The following CTNNA2 variants were observed in gnomAD, a reference collection of about 807,000 sequenced individuals.
The protein encoded by CTNNA2 is catenin alpha 2.
In CTNNA2, 42 loss-of-function variants were observed where a neutral mutation model predicts 101.0. That is an observed-to-expected ratio of 0.42 (90% CI 0.32 to 0.54). The LOEUF is 0.54. Ranked by LOEUF, CTNNA2 falls within the 20% of genes least tolerant of loss-of-function variation. CTNNA2 has a pLI of 0.14. For missense variants in CTNNA2, 871 were observed against 1,223.1 expected (o/e 0.71, Z 4.29); for synonymous variants, 450 against 456.4 (o/e 0.99, Z 0.18).
At chr2:79,766,452 AT>A (rs1180314724) in intron 3 of CTNNA2, among the ~76,000 whole-genome samples, 1 of 152,052 alleles carries the variant, frequency 6.6e-6, no homozygotes, top group Non-Finnish European at 1.5e-5. Flanking sequence ...TGCTTTTAGT[AT>A]CCTTTCTTTA....
intron 2 of CTNNA2, among the ~76,000 whole-genome samples, chr2:79,684,212 T>C (rs1487262598): frequency 1.3e-5 from 2 of 152,212 alleles, no homozygotes; most frequent in East Asian, 3.8e-4. Context: ...TACACTTCAA[T>C]ATATGTAACC....
intron 2 of CTNNA2, among the ~76,000 whole-genome samples, chr2:79,662,024 G>A (rs1419591225): frequency 2.0e-5 from 3 of 151,552 alleles, no homozygotes; most frequent in African/African-American, 7.3e-5. Flanking sequence ...AAATAAATAG[G>A]TGAGAAGGGA....
intron 2 of CTNNA2, among the ~76,000 whole-genome samples, chr2:79,201,412 C>A (rs1674033727): frequency 6.6e-6 from 1 of 150,664 alleles, no homozygotes; most frequent in Non-Finnish European, 1.5e-5. Flanking sequence ...CTGCTCTCTA[C>A]CATCCTAGAA....
At chr2:80,310,421 A>T (rs969474707) in intron 7 of CTNNA2, among the ~76,000 whole-genome samples, 4 of 152,170 alleles carry the variant, frequency 2.6e-5, no homozygotes, top group African/African-American at 9.7e-5. Flanking sequence ...CCTAGGAGAT[A>T]ATGGTATTCT....
chr2:79,203,213 A>C (rs1022699531), intron 2 of CTNNA2, among the ~76,000 whole-genome samples: 1 of 152,156 alleles, frequency 6.6e-6, no homozygotes, highest in African/African-American at 2.4e-5. Flanking sequence ...CCAAATCTCC[A>C]AAATCCTGTT....
At chr2:79,368,935 A>G (rs192389705) in intron 3 of CTNNA2, among the ~76,000 whole-genome samples, 2 of 152,316 alleles carry the variant, frequency 1.3e-5, no homozygotes, top group East Asian at 3.9e-4. Flanking sequence ...TTTCCCTAAA[A>G]GGCCTGGATG....
At chr2:79,948,017 G>C (rs1263028167) in intron 7 of CTNNA2, among the ~76,000 whole-genome samples, 1 of 152,214 alleles carries the variant, frequency 6.6e-6, no homozygotes, top group African/African-American at 2.4e-5. Context: ...AGAAAGGTCT[G>C]GCTAGGTCAT....
At chr2:79,565,254 A>T (rs1675037537) in intron 1 of CTNNA2, among the ~76,000 whole-genome samples, 1 of 151,970 alleles carries the variant, frequency 6.6e-6, no homozygotes, top group Non-Finnish European at 1.5e-5. Context: ...GAAAAGGAAA[A>T]AAAAAAAGGA....
At chr2:80,001,396 G>A (rs549463953) in intron 7 of CTNNA2, among the ~76,000 whole-genome samples, 1 of 152,246 alleles carries the variant, frequency 6.6e-6, no homozygotes, top group East Asian at 1.9e-4. Context: ...AATTAACTGT[G>A]TGGCCAATGA....
chr2:80,326,149 A>G (rs1465029240), intron 7 of CTNNA2, among the ~76,000 whole-genome samples: 1 of 152,234 alleles, frequency 6.6e-6, no homozygotes, highest in Non-Finnish European at 1.5e-5. Context: ...TTGAAAGGGA[A>G]TAAAGCAGTA....
Position 79,521,140 on chromosome 2 carries a change from AT to A in CTNNA2, c.-6+7934del, listed in dbSNP as rs1672091492. 2.1e-4 allele frequency among the ~76,000 whole-genome samples: 7 copies of A among 33,366 alleles called. 1 individual carries two copies. Among genetic ancestry groups the A allele is most frequent in the African/African-American group, 1.0e-3 (7 of 6,842 alleles). The allele number at this position is 33,366 out of a possible 152,430, so 21.9% of individuals were successfully genotyped here. ...TATATATATATATATATATATATAT[AT>A]ATATATATATATATATATATATATA... On this transcript the variant is annotated intron_variant, in intron 1 of 18. Transcript: ENST00000402739.
rs367928713 is a variant in CTNNA2, at chr2:80,282,438, C to T, written c.1057-110773C>T. ...ATGTCTCATTACTTAGTTTTGGTAA[C>T]ATAGTACAACTCACATTTACTTCTC... On this transcript the variant is annotated intron_variant, in intron 7 of 18. Coordinates refer to ENST00000402739, the MANE Select transcript of CTNNA2 (RefSeq NM_001282597.3). Among the ~76,000 whole-genome samples, 21 of 152,068 alleles carry T rather than the reference C, an allele frequency of 1.4e-4. No homozygotes were observed. In the East Asian group the frequency reaches 1.7e-3, roughly 13 times the overall value.
chr2:80,550,033 T>G (rs1692430519), intron 11 of CTNNA2, among the ~76,000 whole-genome samples: 1 of 152,212 alleles, frequency 6.6e-6, no homozygotes, highest in South Asian at 2.1e-4. Context: ...TGTTCATGTC[T>G]ATGTAAACAG....
chr2:79,526,083 C>G (rs1672388805), intron 1 of CTNNA2, among the ~76,000 whole-genome samples: 1 of 151,870 alleles, frequency 6.6e-6, no homozygotes, highest in Admixed American at 6.6e-5. Context: ...CAGAGCTGTT[C>G]TTAACCAAGG....
At chr2:79,951,165 A>C (rs945199266) in intron 7 of CTNNA2, among the ~76,000 whole-genome samples, 1 of 152,220 alleles carries the variant, frequency 6.6e-6, no homozygotes, top group Non-Finnish European at 1.5e-5. Flanking sequence ...TTTCACAAAC[A>C]ATGTAAAGTC....
chr2:79,302,506 A>G (rs1162158320), intron 2 of CTNNA2, among the ~76,000 whole-genome samples: 3 of 152,186 alleles, frequency 2.0e-5, no homozygotes, highest in Non-Finnish European at 4.4e-5. Flanking sequence ...TCTTTTCTTT[A>G]GAGAGTTTCA....
At chr2:79,393,261 A>G (rs1439401883) in intron 4 of CTNNA2, among the ~76,000 whole-genome samples, 2 of 152,180 alleles carry the variant, frequency 1.3e-5, no homozygotes, top group Non-Finnish European at 2.9e-5. Flanking sequence ...AAAAAGCACC[A>G]TGGATTTACA....
At chr2:80,173,243 G>A (rs1366371674) in intron 7 of CTNNA2, among the ~76,000 whole-genome samples, 1 of 152,168 alleles carries the variant, frequency 6.6e-6, no homozygotes, top group African/African-American at 2.4e-5. Context: ...ACAGCCATGT[G>A]CCAGGCTCAT....
chr2:80,437,527 C>G (rs1026271276), intron 9 of CTNNA2, among the ~76,000 whole-genome samples: 1 of 152,148 alleles, frequency 6.6e-6, no homozygotes, highest in Non-Finnish European at 1.5e-5. Flanking sequence ...GTGATCCTGT[C>G]AAAGGCAATC....
Sources: allele counts gnomAD v4.1 joint callset (sites outside exome capture counted in the v4.1 genomes callset), GRCh38; gene constraint gnomAD v4.1.1; transcripts MANE v1.5; gene names NCBI Gene and HGNC (gene_info 2026-07-23, HGNC 2026-07-21).